Variants in SRCAP observed in about 807,000 individuals in gnomAD.
The protein encoded by SRCAP is chromatin remodeling protein SRCAP.
Under a neutral mutation model 263.1 loss-of-function variants are expected in SRCAP, and 46 were observed. The observed-to-expected ratio is 0.17, with a 90% CI of 0.14 to 0.22. The LOEUF is 0.22. SRCAP is among the 10% of genes least tolerant of loss of function. The pLI is 1.00. For missense variants in SRCAP, 3,695 were observed against 4,181.9 expected (o/e 0.88, Z 3.21); for synonymous variants, 1,813 against 1,662.1 (o/e 1.09, Z -2.21).
chr16:30,717,251 A>G (rs1457595463), intron 18 of SRCAP, among the ~76,000 whole-genome samples: 1 of 152,086 alleles, frequency 6.6e-6, no homozygotes, highest in Non-Finnish European at 1.5e-5. Flanking sequence ...CCACTTGTCT[A>G]TATTTTTGAA....
chr16:30,737,499 C>A lies in SRCAP; in HGVS notation c.7459C>A (p.Pro2487Thr), dbSNP rs745812470. 1.1e-5 allele frequency: 18 copies of A among 1,598,584 alleles called. No homozygotes were observed. Among genetic ancestry groups the A allele is most frequent in the Non-Finnish European group, 1.5e-5 (18 of 1,166,778 alleles). ...LPVHILPSPP[P>T]PSQIPPCSSP... ...TGTCCATATCTTGCCTTCTCCTCCC[C>A]CTCCTTCACAGATTCCTCCTTGTTC... The change falls in exon 34 of 34, where the codon CCT becomes ACT. Residue 2487 changes from proline to threonine, a missense_variant. Physicochemically the swap from Pro to Thr is conservative, Grantham distance 38. Around this residue, in one of 12 missense-constraint regions of SRCAP, gnomAD observed 1,207 missense variants for 1,142.9 expected, o/e 1.06. Coordinates refer to ENST00000262518, the MANE Select transcript of SRCAP (RefSeq NM_006662.3).
At chr16:30,729,889 T>C (rs1256563672) in intron 27 of SRCAP, among the ~76,000 whole-genome samples, 1 of 152,178 alleles carries the variant, frequency 6.6e-6, no homozygotes, top group East Asian at 1.9e-4. Context: ...CACCTCAGCC[T>C]CCAGAATAGC....
In SRCAP at chr16:30,721,247, G is replaced by T; in HGVS notation, c.3312G>T (p.Leu1104Phe). The change falls in exon 21 of 34, where the codon TTG becomes TTT. Residue 1104 changes from leucine to phenylalanine, a missense_variant. Leu to Phe is a conservative substitution (Grantham distance 22). This residue lies in a region of SRCAP where 1,347 missense variants were observed against 1,304.4 expected (regional missense o/e 1.03). Transcript: ENST00000262518. ...CCTCACGGCCTCCCACGCCAACCTTGTCCCTAAAGCCAACACCACCTGCCC... is the reference window on the plus strand; with the variant it reads ...CCTCACGGCCTCCCACGCCAACCTTTTCCCTAAAGCCAACACCACCTGCCC... ...SGTSRPPTPT[L>F]SLKPTPPAPV... 6.2e-7 allele frequency: 1 copy of T among 1,613,956 alleles called. No individual in the cohort carries two copies. The highest frequency in any genetic ancestry group is 1.7e-4 in the Middle Eastern group (1 of 6,060).
At chr16:30,705,577 T>G (rs1271031888) in intron 4 of SRCAP, among the ~76,000 whole-genome samples, 3 of 151,598 alleles carry the variant, frequency 2.0e-5, no homozygotes, top group Non-Finnish European at 4.4e-5. Context: ...ATTTTTTGTA[T>G]TTTTAGTAGA....
Position 30,722,121 on chromosome 16 carries a change from G to C in SRCAP, c.3542-1G>C, listed in dbSNP as rs1231317347. 2 of 1,612,640 alleles carry C rather than the reference G, an allele frequency of 1.2e-6. No homozygotes were observed. The highest frequency in any genetic ancestry group is 1.7e-5 in the Admixed American group (1 of 59,850). ...TACAATAAGGCCTTCTCTGTTTTTAGCAGGCGAAGTGGTCAGCATCGGGCA... is the reference window on the plus strand; with the variant it reads ...TACAATAAGGCCTTCTCTGTTTTTACCAGGCGAAGTGGTCAGCATCGGGCA... On this transcript the variant is annotated splice_acceptor_variant, in intron 21 of 33. Coordinates refer to ENST00000262518, the MANE Select transcript of SRCAP (RefSeq NM_006662.3). LOFTEE classifies it high-confidence loss of function.
intron 14 of SRCAP, 84 bp downstream of exon 14, chr16:30,712,899 C>G (rs1006163150): frequency 6.6e-7 from 1 of 1,509,010 alleles, no homozygotes; most frequent in African/African-American, 1.4e-5. Flanking sequence ...TCCTTTCTCT[C>G]CTCTTTCTTT....
chr16:30,722,984 A>C lies in SRCAP; in HGVS notation c.3914A>C (p.Asn1305Thr), dbSNP rs978356922. 1.2e-5 allele frequency: 20 copies of C among 1,612,866 alleles called. No individual in the cohort carries two copies. The highest frequency in any genetic ancestry group is 1.6e-5 in the Non-Finnish European group (19 of 1,179,334). Residue 1305 changes from asparagine (N) to threonine (T), a missense_variant, in exon 24 of 34, where the codon AAT (asparagine) becomes ACT (threonine). Asn to Thr is a moderately conservative substitution (Grantham distance 65). Around this residue, in one of 12 missense-constraint regions of SRCAP, gnomAD observed 1,347 missense variants for 1,304.4 expected, o/e 1.03. Coordinates refer to ENST00000262518, the MANE Select transcript of SRCAP (RefSeq NM_006662.3). ...GCAGTGCCACCAACCATGGTGAATA[A>C]TACAGGCGTGGTGAAGATTGTAGTG... Reference protein sequence around the residue: ...ANQVPPTMVNNTGVVKIVVRQ... With the variant: ...ANQVPPTMVNTTGVVKIVVRQ...
chr16:30,709,071 A>G (rs1248525354), intron 6 of SRCAP, among the ~76,000 whole-genome samples: 1 of 152,120 alleles, frequency 6.6e-6, no homozygotes, highest in Non-Finnish European at 1.5e-5. Context: ...CTCCCACTTC[A>G]GCCTTCCAAA....
chr16:30,724,679 C>G lies in SRCAP; in HGVS notation c.5255C>G (p.Pro1752Arg), dbSNP rs1332571500. The part of the protein sequence containing the change: ...PTQTLSLAPA[P>R]PLAPASPVGP... ...CAGACGCTGTCTCTGGCTCCAGCACCCCCTCTGGCTCCAGCTTCTCCAGTG... is the reference window on the plus strand; with the variant it reads ...CAGACGCTGTCTCTGGCTCCAGCACGCCCTCTGGCTCCAGCTTCTCCAGTG... Residue 1752 changes from proline to arginine, a missense_variant, in exon 25 of 34, where the codon CCC (proline) becomes CGC (arginine). This residue lies in a region of SRCAP where 1,347 missense variants were observed against 1,304.4 expected (regional missense o/e 1.03). Coordinates refer to ENST00000262518, the MANE Select transcript of SRCAP (RefSeq NM_006662.3). The G allele has an allele frequency of 6.2e-7, 1 of 1,614,150 alleles. No homozygotes were observed. Among genetic ancestry groups the G allele is most frequent in the Non-Finnish European group, 8.5e-7 (1 of 1,180,012 alleles).
intron 3 of SRCAP, among the ~76,000 whole-genome samples, chr16:30,703,607 T>C (rs2052793414): frequency 6.6e-6 from 1 of 151,886 alleles, no homozygotes; most frequent in Non-Finnish European, 1.5e-5. Context: ...ATTAAAACTT[T>C]ATCCCAAGGC....
intron 6 of SRCAP, among the ~76,000 whole-genome samples, chr16:30,708,431 C>T (rs2052851122): frequency 6.6e-6 from 1 of 152,066 alleles, no homozygotes; most frequent in South Asian, 2.1e-4. Flanking sequence ...AACAGAGTCT[C>T]ACCCCGTCAC....
At chr16:30,735,567 CTTTT>C (rs10663863) in intron 31 of SRCAP, among the ~76,000 whole-genome samples, 22 of 69,596 alleles carry the variant, frequency 3.2e-4, no homozygotes, top group East Asian at 1.3e-3. Flanking sequence ...TTTGACATTA[CTTTT>C]TTTTTTTTTT....
Position 30,723,845 on chromosome 16 carries a change from C to G in SRCAP, c.4421C>G (p.Thr1474Ser). The change falls in exon 25 of 34, where the codon ACC (threonine) becomes AGC (serine). Residue 1474 changes from threonine (T) to serine (S), a missense_variant. This residue lies in a region of SRCAP where 1,347 missense variants were observed against 1,304.4 expected (regional missense o/e 1.03). Coordinates refer to ENST00000262518, the MANE Select transcript of SRCAP (RefSeq NM_006662.3). Reference sequence around the variant, plus strand: ...TCTGCTTCGGGCCCAGCTCTGTTGACCAGTGTGACTCCACCATTGGCACCT... The same window carrying G: ...TCTGCTTCGGGCCCAGCTCTGTTGAGCAGTGTGACTCCACCATTGGCACCT... ...TVSASGPALL[T>S]SVTPPLAPVV... 1 of 1,614,124 alleles carries G rather than the reference C, an allele frequency of 6.2e-7. No individual in the cohort carries two copies. The highest frequency in any genetic ancestry group is 8.5e-7 in the Non-Finnish European group (1 of 1,180,026).
chr16:30,710,462 G>A (rs2052875777), intron 8 of SRCAP: 1 of 712,098 alleles, frequency 1.4e-6, no homozygotes, highest in Non-Finnish European at 2.6e-6. Flanking sequence ...AAGCTGGCAT[G>A]GTACCCTTAA....
At chr16:30,712,509 C>T in intron 13 of SRCAP, 70 bp downstream of exon 13, 1 of 1,521,446 alleles carries the variant, frequency 6.6e-7, no homozygotes, top group South Asian at 1.3e-5. Flanking sequence ...AGTGATGACT[C>T]CAGCTTCATT....
chr16:30,728,849 T>G, intron 25 of SRCAP, 117 bp from the exon 26 acceptor site: 2 of 1,207,862 alleles, frequency 1.7e-6, no homozygotes, highest in Non-Finnish European at 2.3e-6. Flanking sequence ...ACAAAAAGCA[T>G]AGTGTATTTT....
intron 18 of SRCAP, among the ~76,000 whole-genome samples, chr16:30,718,363 G>T (rs2052974330): frequency 6.6e-6 from 1 of 152,060 alleles, no homozygotes; most frequent in South Asian, 2.1e-4. Flanking sequence ...TTTTAGTAGA[G>T]ATGGGGTTTC....
In SRCAP at chr16:30,720,215, A is replaced by T. The variant is rs574505307; in HGVS notation, c.2871A>T (p.Arg957=). The part of the protein sequence containing the change: ...DLIGLEGRVS[R]YEADTFLPRH... ...TTGGCCTGGAAGGTCGTGTCTCTCGATATGAGGCAGACACATTTCTGCCCC... is the reference window on the plus strand; with the variant it reads ...TTGGCCTGGAAGGTCGTGTCTCTCGTTATGAGGCAGACACATTTCTGCCCC... Residue 957 remains arginine (R), a synonymous_variant, in exon 19 of 34, where the codon CGA becomes CGT. Coordinates refer to ENST00000262518, the MANE Select transcript of SRCAP (RefSeq NM_006662.3). The T allele has an allele frequency of 3.1e-6, 5 of 1,613,974 alleles. No homozygotes were observed. The South Asian group carries it at 3.3e-5, about 11-fold the overall frequency.
At position 30,741,086 on chromosome 16, in the gene SRCAP, C is replaced by T. The variant is rs182162636; in HGVS notation, c.*1353C>T. 2 of 152,316 alleles carry T rather than the reference C, an allele frequency of 1.3e-5. No individual in the cohort carries two copies. Among genetic ancestry groups the T allele is most frequent in the East Asian group, 3.9e-4 (2 of 5,186 alleles). The allele number at this position is 152,316 out of a possible 1,614,324, so 9.4% of individuals were successfully genotyped here. ...GGTCATTTAGACTCAGTGTACTAGT[C>T]TGATTGTGTTATGTGGCCTGGGTTA... is the stretch of plus-strand genomic sequence containing the variant. On this transcript the variant is annotated 3_prime_UTR_variant, in exon 34 of 34. Coordinates refer to ENST00000262518, the MANE Select transcript of SRCAP (RefSeq NM_006662.3).
Sources: gnomAD v4.1 joint callset for allele counts (sites outside exome capture counted in the v4.1 genomes callset) on GRCh38, gnomAD v4.1.1 for gene constraint, gnomAD v4.1.1 regional missense constraint, MANE v1.5 for transcripts, NCBI Gene and HGNC (gene_info 2026-07-23, HGNC 2026-07-21) for gene names.